Variants in RAB10 observed in about 807,000 individuals in gnomAD.
The protein encoded by RAB10 is ras-related protein Rab-10.
RAB10 carries 5 observed loss-of-function variants against 25.7 expected under a neutral mutation model. The ratio of observed to expected loss-of-function variants is 0.19; its 90% CI spans 0.10 to 0.41. The LOEUF (loss-of-function observed/expected upper bound fraction) is 0.41, where lower values mean the gene tolerates loss of function less well. Among genes scored for constraint, RAB10 ranks in the 10% least tolerant of loss-of-function variants. The pLI is 1.00. For missense variants in RAB10, 103 were observed against 245.8 expected, an observed-to-expected ratio of 0.42 and a Z score of 3.89; for synonymous variants, 89 against 86.4, an observed-to-expected ratio of 1.03 and a Z score of -0.16.
At position 26,069,675 on chromosome 2, in the gene RAB10, C is replaced by CA. The variant is rs1043911382; in HGVS notation, c.128-28978dup. Among the ~76,000 whole-genome samples the CA allele has an allele frequency of 3.3e-5, 5 of 150,208 alleles. No homozygotes were observed. In the South Asian group the frequency reaches 6.3e-4, roughly 19 times the overall value. ...AGCGAGACTCTGCCCCCCTACCCCC[C>CA]AAAAAAAAAGAAAAAAGGAAAAACA... On this transcript the variant is annotated intron_variant, in intron 1 of 5. Coordinates refer to ENST00000264710, the MANE Select transcript of RAB10 (RefSeq NM_016131.5).
rs542745472 is a variant in RAB10 at position 26,080,725 on chromosome 2, G to A, written c.128-17937G>A. 1.6e-4 allele frequency among the ~76,000 whole-genome samples: 24 copies of A among 152,182 alleles called. No homozygotes were observed. In the South Asian group the frequency reaches 4.8e-3, roughly 30 times the overall value. On this transcript the variant is annotated intron_variant, in intron 1 of 5. Coordinates refer to ENST00000264710, the MANE Select transcript of RAB10 (RefSeq NM_016131.5). ...TAGAGATGGGATCTTGCTATATGTT[G>A]TTGCCCAGGCTGGTCTCTTAACTCC...
chr2:26,123,427 G>T (rs186315874), intron 3 of RAB10, among the ~76,000 whole-genome samples: 51 of 152,118 alleles, frequency 3.4e-4, no homozygotes, highest in African/African-American at 1.1e-3. Flanking sequence ...AGATGCCATC[G>T]TTATAGAAAA....
chr2:26,062,089 G>A lies in RAB10; in HGVS notation c.127+27354G>A, dbSNP rs541245398. The stretch of plus-strand genomic sequence containing the variant: ...TTCAGAATAAATTTTTTTTGTGTGT[G>A]GTAAGTTACTATAGTAAGGGTAATT... On this transcript the variant is annotated intron_variant, in intron 1 of 5. Transcript: ENST00000264710. Among the ~76,000 whole-genome samples the A allele has an allele frequency of 7.9e-5, 12 of 151,960 alleles. No homozygotes were observed. In the East Asian group the frequency reaches 2.1e-3, roughly 27 times the overall value.
chr2:26,094,222 TC>T (rs1667163252), intron 1 of RAB10, among the ~76,000 whole-genome samples: 1 of 81,248 alleles, frequency 1.2e-5, no homozygotes, highest in Non-Finnish European at 2.7e-5. Flanking sequence ...CCCCCTTATT[TC>T]ATCCATTTCA....
chr2:26,107,569 G>A (rs1359219214), intron 2 of RAB10, among the ~76,000 whole-genome samples: 1 of 152,160 alleles, frequency 6.6e-6, no homozygotes, highest in Admixed American at 6.5e-5. Context: ...GCTGAGGCGG[G>A]CTGATCACCT....
chr2:26,066,775 C>T (rs1666520556), intron 1 of RAB10, among the ~76,000 whole-genome samples: 3 of 113,122 alleles, frequency 2.7e-5, no homozygotes, highest in African/African-American at 1.1e-4. Context: ...ACCATGCCAT[C>T]AATTTTTTTT....
chr2:26,092,383 A>G (rs2149278002), intron 1 of RAB10, among the ~76,000 whole-genome samples: 1 of 151,638 alleles, frequency 6.6e-6, no homozygotes. Context: ...AAGAGGTGAG[A>G]GGAGAGAAAA....
intron 1 of RAB10, among the ~76,000 whole-genome samples, chr2:26,050,118 A>C (rs1271011770): frequency 1.3e-5 from 2 of 152,194 alleles, no homozygotes; most frequent in African/African-American, 2.4e-5. Context: ...TTGTTGGTTT[A>C]CTGCCTTTGA....
Position 26,137,379 on chromosome 2 carries a change from A to G in RAB10, c.*2358A>G, listed in dbSNP as rs1668133089. ...AGCTACAAATTCGGTTTCATATTCTACTTAACAATTTAAATAAACTGAAAT... is the reference window on the plus strand; with the variant it reads ...AGCTACAAATTCGGTTTCATATTCTGCTTAACAATTTAAATAAACTGAAAT... On this transcript the variant is annotated 3_prime_UTR_variant, in exon 6 of 6. Coordinates refer to ENST00000264710, the MANE Select transcript of RAB10 (RefSeq NM_016131.5). 6.5e-6 allele frequency: 1 copy of G among 152,676 alleles called. No individual in the cohort carries two copies. The highest frequency in any genetic ancestry group is 1.9e-4 in the East Asian group (1 of 5,196). 9.5% of individuals were successfully genotyped at this position (152,676 alleles called of 1,614,324 possible).
intron 1 of RAB10, among the ~76,000 whole-genome samples, chr2:26,074,879 A>G (rs1666699601): frequency 6.6e-6 from 1 of 152,204 alleles, no homozygotes; most frequent in African/African-American, 2.4e-5. Context: ...AGCTGTTATG[A>G]GGATCGAACG....
intron 1 of RAB10, among the ~76,000 whole-genome samples, chr2:26,070,873 A>G (rs1203582269): frequency 6.6e-6 from 1 of 152,152 alleles, no homozygotes; most frequent in Admixed American, 6.5e-5. Flanking sequence ...CCACCTAGGG[A>G]GTTTTTTTGA....
At chr2:26,102,559 C>T (rs1484162908) in intron 2 of RAB10, among the ~76,000 whole-genome samples, 1 of 151,904 alleles carries the variant, frequency 6.6e-6, no homozygotes, top group Non-Finnish European at 1.5e-5. Context: ...CTGCCTCAGC[C>T]TCCTGAGCAG....
At chr2:26,101,519 C>T (rs1009708005) in intron 2 of RAB10, 14 of 152,484 alleles carry the variant, frequency 9.2e-5, no homozygotes, top group African/African-American at 3.1e-4. Flanking sequence ...CAGTGTAGCT[C>T]CTGGTGGAGG....
At chr2:26,077,234 A>G (rs1318948168) in intron 1 of RAB10, among the ~76,000 whole-genome samples, 1 of 152,192 alleles carries the variant, frequency 6.6e-6, no homozygotes, top group Non-Finnish European at 1.5e-5. Context: ...TTAAAAGTAC[A>G]TGTGTATTAC....
chr2:26,082,343 C>T (rs184430355), intron 1 of RAB10, among the ~76,000 whole-genome samples: 142 of 151,976 alleles, frequency 9.3e-4, no homozygotes, highest in South Asian at 2.3e-3. Context: ...ATCTAATCAG[C>T]GACCAAATCT....
intron 1 of RAB10, among the ~76,000 whole-genome samples, chr2:26,086,277 ACT>A (rs1160303599): frequency 6.6e-6 from 1 of 152,162 alleles, no homozygotes; most frequent in Non-Finnish European, 1.5e-5. Context: ...CAAGAGCGAA[ACT>A]CTGTCTCATA....
intron 1 of RAB10, among the ~76,000 whole-genome samples, chr2:26,097,615 G>A (rs1440028056): frequency 2.6e-5 from 4 of 152,128 alleles, no homozygotes; most frequent in African/African-American, 9.7e-5. Flanking sequence ...CTTCTTTTAC[G>A]ACCCTTATGT....
intron 1 of RAB10, among the ~76,000 whole-genome samples, chr2:26,060,356 G>A (rs1020876082): frequency 2.0e-5 from 3 of 151,944 alleles, no homozygotes. Context: ...GCAGTGGCAC[G>A]ATCTCGGCTC....
chr2:26,127,301 T>A, intron 4 of RAB10, 68 bp downstream of exon 4: 1 of 1,179,684 alleles, frequency 8.5e-7, no homozygotes, highest in South Asian at 1.4e-5. Context: ...TTGATTATTT[T>A]TATAGTAATA....
Sources: gnomAD v4.1 joint callset for allele counts (sites outside exome capture counted in the v4.1 genomes callset) on GRCh38, gnomAD v4.1.1 for gene constraint, MANE v1.5 for transcripts, NCBI Gene and HGNC (gene_info 2026-07-23, HGNC 2026-07-21) for gene names.